GALNT10: variants seen among roughly 807,000 people sequenced by gnomAD.
GALNT10 encodes the protein polypeptide N-acetylgalactosaminyltransferase 10.
GALNT10 carries 41 observed loss-of-function variants against 75.0 expected under a neutral mutation model. That is an observed-to-expected ratio of 0.55 (90% CI 0.43 to 0.71). GALNT10 has a LOEUF of 0.71. GALNT10 is among the 30% of genes least tolerant of loss of function. The pLI is 0.00. For synonymous variants in GALNT10, 302 were observed against 313.0 expected (o/e 0.96, Z 0.37); for missense variants, 727 against 818.5 (o/e 0.89, Z 1.36).
At chr5:154,333,957 G>A (rs1427516826) in intron 4 of GALNT10, among the ~76,000 whole-genome samples, 8 of 152,220 alleles carry the variant, frequency 5.3e-5, no homozygotes, top group East Asian at 1.9e-4. Context: ...TTTTAAAAAC[G>A]AGATTTGGGA....
At chr5:154,415,721 A>C in intron 10 of GALNT10, 62 bp from the exon 11 acceptor site, 1 of 1,472,768 alleles carries the variant, frequency 6.8e-7, no homozygotes, top group South Asian at 1.2e-5. Context: ...ATTTAAAAAA[A>C]ATGGAGAAAA....
intron 1 of GALNT10, among the ~76,000 whole-genome samples, chr5:154,262,503 C>G (rs1753714048): frequency 6.6e-6 from 1 of 152,180 alleles, no homozygotes; most frequent in Non-Finnish European, 1.5e-5. Context: ...GACAGCCCAG[C>G]CAGGCAGGCA....
intron 7 of GALNT10, chr5:154,403,816 G>A: frequency 2.3e-6 from 1 of 427,514 alleles, no homozygotes; most frequent in Admixed American, 3.9e-5. Context: ...TTCAGCATCT[G>A]TAAAATGTTA....
At chr5:154,366,316 T>C (rs1755474009) in intron 4 of GALNT10, among the ~76,000 whole-genome samples, 1 of 152,240 alleles carries the variant, frequency 6.6e-6, no homozygotes, top group Admixed American at 6.5e-5. Flanking sequence ...TTATACTACA[T>C]ATTAATTTTA....
At chr5:154,365,622 G>A (rs952226572) in intron 4 of GALNT10, among the ~76,000 whole-genome samples, 1 of 152,138 alleles carries the variant, frequency 6.6e-6, no homozygotes, top group African/African-American at 2.4e-5. Flanking sequence ...CTTGATGGAA[G>A]AGGCAGAGTA....
Position 154,237,522 on chromosome 5 carries a change from C to T in GALNT10, c.159+46497C>T, listed in dbSNP as rs116811364. ...TGAGGTGAGGATGCAAGTCCTGACT[C>T]GGCTATCTCTGTGAGACCTTGGACA... is the stretch of plus-strand genomic sequence containing the variant. On this transcript the variant is annotated intron_variant, in intron 1 of 11. Coordinates refer to ENST00000297107, the MANE Select transcript of GALNT10 (RefSeq NM_198321.4). 5.5e-3 allele frequency among the ~76,000 whole-genome samples: 832 copies of T among 152,256 alleles called. 7 individuals carry two copies. Among genetic ancestry groups the T allele is most frequent in the African/African-American group, 0.019 (808 of 41,544 alleles).
In GALNT10 at chr5:154,406,829, C is replaced by G. The variant is rs904419317; in HGVS notation, c.1164+2618C>G. On this transcript the variant is annotated intron_variant, in intron 8 of 11. Transcript: ENST00000297107. ...AAAAAAGTGCTCAATGTTTTAATAA[C>G]CACATCCTAAGCCTTCTAGAGCATT... Among the ~76,000 whole-genome samples, 44 of 152,110 alleles carry G rather than the reference C, an allele frequency of 2.9e-4. 3 individuals carry two copies. Among genetic ancestry groups the G allele is most frequent in the Non-Finnish European group, 1.5e-5 (1 of 68,018 alleles).
intron 1 of GALNT10, among the ~76,000 whole-genome samples, chr5:154,291,583 A>C (rs906545654): frequency 6.6e-6 from 1 of 152,008 alleles, no homozygotes; most frequent in African/African-American, 2.4e-5. Context: ...TCTTCTTCCA[A>C]ATGGTTTTAT....
chr5:154,278,093 A>T (rs942917202), intron 1 of GALNT10, among the ~76,000 whole-genome samples: 3 of 152,198 alleles, frequency 2.0e-5, no homozygotes, highest in Non-Finnish European at 4.4e-5. Flanking sequence ...ATTGACTGAA[A>T]CCTTCCTTTG....
Position 154,237,205 on chromosome 5 carries a change from G to A in GALNT10, c.159+46180G>A, listed in dbSNP as rs182172022. ...GGCAGGACATTGTCGCCCCCTTTGGGCCTCAATTTTTTCTCTGCTAAATGG... is the reference window on the plus strand; with the variant it reads ...GGCAGGACATTGTCGCCCCCTTTGGACCTCAATTTTTTCTCTGCTAAATGG... On this transcript the variant is annotated intron_variant, in intron 1 of 11. Transcript: ENST00000297107. Among the ~76,000 whole-genome samples, 3 of 152,216 alleles carry A rather than the reference G, an allele frequency of 2.0e-5. No individual in the cohort carries two copies. In the East Asian group the frequency reaches 5.8e-4, roughly 29 times the overall value.
At chr5:154,250,302 G>A (rs1292326806) in intron 1 of GALNT10, among the ~76,000 whole-genome samples, 1 of 152,074 alleles carries the variant, frequency 6.6e-6, no homozygotes, top group African/African-American at 2.4e-5. Context: ...CAATTGTCTA[G>A]GTGGGCTTTT....
chr5:154,328,961 T>TC (rs924664104), intron 3 of GALNT10, among the ~76,000 whole-genome samples: 1 of 152,098 alleles, frequency 6.6e-6, no homozygotes, highest in Non-Finnish European at 1.5e-5. Flanking sequence ...CCTGTCCCCT[T>TC]CCTGGAGGAT....
intron 3 of GALNT10, among the ~76,000 whole-genome samples, chr5:154,302,126 G>A (rs559647629): frequency 4.6e-5 from 7 of 152,338 alleles, no homozygotes; most frequent in South Asian, 4.1e-4. Context: ...CAGTCGAGCC[G>A]CTCACTCCAT....
chr5:154,278,223 C>G (rs1250166565), intron 1 of GALNT10, among the ~76,000 whole-genome samples: 1 of 149,294 alleles, frequency 6.7e-6, no homozygotes, highest in Non-Finnish European at 1.5e-5. Context: ...GGATTGCACA[C>G]TGCCAAGGGG....
At chr5:154,312,900 C>T (rs577223772) in intron 3 of GALNT10, among the ~76,000 whole-genome samples, 17 of 152,224 alleles carry the variant, frequency 1.1e-4, no homozygotes, top group Non-Finnish European at 1.0e-4. Flanking sequence ...CTGCTGTCAT[C>T]CTTGGTTTAA....
Position 154,327,549 on chromosome 5 carries a change from A to G in GALNT10, c.402-2023A>G, listed in dbSNP as rs374239984. On this transcript the variant is annotated intron_variant, in intron 3 of 11. Coordinates refer to ENST00000297107, the MANE Select transcript of GALNT10 (RefSeq NM_198321.4). ...GGTTTATTTGGGAACCAGTAAGAAT[A>G]ATAACTGCATTTGATTGAAACACAT... Among the ~76,000 whole-genome samples the G allele has an allele frequency of 2.6e-5, 4 of 152,258 alleles. No individual in the cohort carries two copies. In the East Asian group the frequency reaches 7.7e-4, roughly 29 times the overall value.
At chr5:154,385,988 A>G (rs1217761002) in intron 6 of GALNT10, among the ~76,000 whole-genome samples, 1 of 152,174 alleles carries the variant, frequency 6.6e-6, no homozygotes, top group African/African-American at 2.4e-5. Context: ...TTAACTAGTG[A>G]GAGGACTAAC....
chr5:154,311,378 A>T (rs1483177911), intron 3 of GALNT10, among the ~76,000 whole-genome samples: 1 of 152,190 alleles, frequency 6.6e-6, no homozygotes, highest in African/African-American at 2.4e-5. Flanking sequence ...TGTTACAACT[A>T]TTTTGTGGTT....
At chr5:154,318,812 A>G (rs562873355) in intron 3 of GALNT10, among the ~76,000 whole-genome samples, 4 of 152,314 alleles carry the variant, frequency 2.6e-5, no homozygotes, top group South Asian at 4.1e-4. Flanking sequence ...ATGTGTGTCA[A>G]TCAACATCCC....
Sources: gnomAD v4.1 joint callset for allele counts (sites outside exome capture counted in the v4.1 genomes callset) on GRCh38, gnomAD v4.1.1 for gene constraint, MANE v1.5 for transcripts, NCBI Gene and HGNC (gene_info 2026-07-23, HGNC 2026-07-21) for gene names.